The following IFI27 variants were observed in gnomAD, a reference collection of about 807,000 sequenced individuals.
IFI27 encodes interferon alpha inducible protein 27.
A neutral mutation model predicts 8.9 loss-of-function variants in IFI27; 3 were observed. The observed-to-expected ratio is 0.34, with a 90% CI of 0.15 to 0.87. The LOEUF (loss-of-function observed/expected upper bound fraction) is 0.87. IFI27 is among the 40% of genes least tolerant of loss of function. The pLI, the probability that IFI27 is intolerant of heterozygous loss-of-function variation, is 0.51. For synonymous variants in IFI27, 66 were observed against 67.3 expected, an observed-to-expected ratio of 0.98 and a Z score of 0.09; for missense variants, 152 against 157.7, an observed-to-expected ratio of 0.96 and a Z score of 0.19.
intron 2 of IFI27, chr14:94,113,815 C>T (rs1887282294): frequency 6.6e-6 from 1 of 152,372 alleles, no homozygotes; most frequent in Admixed American, 6.5e-5. Context: ...GGTGGCCTTT[C>T]TGGTCACTCA....
At chr14:94,107,249 T>C (rs1887029206), upstream of IFI27, among the ~76,000 whole-genome samples, 1 of 152,108 alleles carries the variant, frequency 6.6e-6, no homozygotes, top group African/African-American at 2.4e-5. Flanking sequence ...TTTTGTAGTT[T>C]TAATAGAGAC....
At position 94,116,029 on chromosome 14, in the gene IFI27, C is replaced by A. The variant is rs1269090622; in HGVS notation, c.283+87C>A. On this transcript the variant is annotated intron_variant, in intron 4 of 4. Coordinates refer to ENST00000621160, the Ensembl canonical transcript of IFI27. This position sits in a 1 kb window ranked among gnomAD's most constrained non-coding sequence, Gnocchi z 4.3. The stretch of plus-strand genomic sequence containing the variant: ...CCAGTCCCAATCTCAACCCTATGAA[C>A]CTCAATCTCCCTGTTCCTCTGTCTC... 2.5e-6 allele frequency: 3 copies of A among 1,214,820 alleles called. No homozygotes were observed. The highest frequency in any genetic ancestry group is 3.5e-6 in the Non-Finnish European group (3 of 848,420). 75.3% of individuals were successfully genotyped at this position (1,214,820 alleles called of 1,614,324 possible).
chr14:94,111,358 C>T lies in IFI27; in HGVS notation c.-58-267C>T, dbSNP rs760993476. Among the ~76,000 whole-genome samples the T allele has an allele frequency of 1.3e-5, 2 of 152,190 alleles. No homozygotes were observed. The highest frequency in any genetic ancestry group is 2.4e-5 in the African/African-American group (1 of 41,432). On this transcript the variant is annotated intron_variant, in intron 1 of 4. Transcript: ENST00000621160. The surrounding 1 kb of genome is among the most constrained non-coding windows in gnomAD (Gnocchi z 4.3). ...AAGGGAGTCCCGGAAGTGTCTAAGA[C>T]ATTGGCGCTGGGACTTTCAGGAGAA...
In IFI27 at chr14:94,116,045, C is replaced by T. The variant is rs760314150; in HGVS notation, c.283+103C>T. 8.7e-6 allele frequency: 10 copies of T among 1,144,278 alleles called. No homozygotes were observed. The highest frequency in any genetic ancestry group is 1.9e-4 in the Middle Eastern group (1 of 5,296). 70.9% of individuals were successfully genotyped at this position (1,144,278 alleles called of 1,614,324 possible). A position where few individuals can be genotyped will look rare whatever the true frequency, so the allele number is the denominator to read the frequency against. ...CCCTATGAACCTCAATCTCCCTGTT[C>T]CTCTGTCTCTCTCTACACATTCTCT... On this transcript the variant is annotated intron_variant, in intron 4 of 4. Transcript: ENST00000621160. The surrounding 1 kb of genome is among the most constrained non-coding windows in gnomAD (Gnocchi z 4.3).
At chr14:94,108,290 A>G (rs1436989400), upstream of IFI27, among the ~76,000 whole-genome samples, 1 of 152,338 alleles carries the variant, frequency 6.6e-6, no homozygotes, top group East Asian at 1.9e-4. Context: ...ATAGTGCCGC[A>G]ATAAACATAC....
At chr14:94,109,362 G>GAGAAGGGCAGGGAAGGGCAGGGAAGGC (rs1887077057), upstream of IFI27, among the ~76,000 whole-genome samples, 1 of 143,880 alleles carries the variant, frequency 7.0e-6, no homozygotes, top group Non-Finnish European at 1.5e-5. Context: ...GCAGGGAAGG[G>GAGAAGGGCAGGGAAGGGCAGGGAAGGC]CAGAGAAGGG....
intron 2 of IFI27, chr14:94,114,089 G>A (rs1033585027): frequency 6.6e-6 from 1 of 152,444 alleles, no homozygotes; most frequent in Non-Finnish European, 1.5e-5. Flanking sequence ...GTTCTGCCTG[G>A]AAGAATCTGG....
intron 2 of IFI27, chr14:94,113,206 A>C (rs1419351160): frequency 6.6e-6 from 1 of 152,276 alleles, no homozygotes; most frequent in Non-Finnish European, 1.5e-5. Context: ...GAACAATGAC[A>C]GAAAGTATTA....
At chr14:94,114,827 A>G in intron 2 of IFI27, 24 bp from the exon 3 acceptor site, 1 of 1,613,614 alleles carries the variant, frequency 6.2e-7, no homozygotes, top group South Asian at 1.1e-5. Flanking sequence ...GGATCTACTC[A>G]CAGAATGTTC....
intron 3 of IFI27, 124 bp downstream of exon 3, chr14:94,115,004 G>A (rs1887336499): frequency 2.3e-6 from 2 of 852,732 alleles, no homozygotes; most frequent in East Asian, 2.5e-5. Context: ...AGGTGGGGAT[G>A]AGGGGCTAAG....
rs528464878 is a variant in IFI27, at chr14:94,116,599, G to A, written c.*72G>A. On this transcript the variant is annotated 3_prime_UTR_variant, in exon 5 of 5. Transcript: ENST00000621160. This position sits in a 1 kb window ranked among gnomAD's most constrained non-coding sequence, Gnocchi z 4.3. ...AGGCACCCAGCCATCCTGACCCAGCGAGGAGCCAACTATCCCAAATATACC... is the reference window on the plus strand; with the variant it reads ...AGGCACCCAGCCATCCTGACCCAGCAAGGAGCCAACTATCCCAAATATACC... The A allele has an allele frequency of 2.0e-5, 24 of 1,178,622 alleles. No individual in the cohort carries two copies. The highest frequency in any genetic ancestry group is 1.4e-4 in the Admixed American group (7 of 51,388). 73.0% of individuals were successfully genotyped at this position (1,178,622 alleles called of 1,614,324 possible). A position where few individuals can be genotyped will look rare whatever the true frequency, so the allele number is the denominator to read the frequency against.
At chr14:94,109,643 C>T (rs1887094052), upstream of IFI27, among the ~76,000 whole-genome samples, 1 of 152,062 alleles carries the variant, frequency 6.6e-6, no homozygotes, top group African/African-American at 2.4e-5. Flanking sequence ...CTTGTGTGGC[C>T]CATGTGATAA....
At chr14:94,112,765 TC>T (rs1300968996) in intron 2 of IFI27, 1 of 152,486 alleles carries the variant, frequency 6.6e-6, no homozygotes, top group African/African-American at 2.4e-5. Context: ...GGAGGCTAGC[TC>T]CTTCATGCTG....
At chr14:94,109,404 G>A (rs74837125), upstream of IFI27, among the ~76,000 whole-genome samples, 59 of 146,242 alleles carry the variant, frequency 4.0e-4, no homozygotes, top group East Asian at 7.4e-3. Flanking sequence ...GCAAGGGCAA[G>A]GGAAAGGAAA....
In IFI27 at chr14:94,111,651, C is replaced by T; in HGVS notation, c.-32C>T. On this transcript the variant is annotated 5_prime_UTR_variant, in exon 2 of 5. Coordinates refer to ENST00000621160, the Ensembl canonical transcript of IFI27. The surrounding 1 kb of genome is among the most constrained non-coding windows in gnomAD (Gnocchi z 4.3). Reference sequence around the variant, plus strand: ...TCTGGCTGAAGTTGAGGATCTCTTACTCTCTAGGCCACGGAATTAACCCGA... The same window carrying T: ...TCTGGCTGAAGTTGAGGATCTCTTATTCTCTAGGCCACGGAATTAACCCGA... 1.3e-6 allele frequency: 2 copies of T among 1,586,590 alleles called. No individual in the cohort carries two copies. Among genetic ancestry groups the T allele is most frequent in the South Asian group, 2.2e-5 (2 of 90,516 alleles).
chr14:94,114,684 A>C (rs1887320431), intron 2 of IFI27, 167 bp from the exon 3 acceptor site: 1 of 665,682 alleles, frequency 1.5e-6, no homozygotes, highest in Non-Finnish European at 2.7e-6. Flanking sequence ...CCTCCTCCAG[A>C]ATTTCCACTT....
chr14:94,113,677 T>G (rs991694185), intron 2 of IFI27: 5 of 152,172 alleles, frequency 3.3e-5, no homozygotes, highest in African/African-American at 7.2e-5. Context: ...CCTGAGGGCT[T>G]TTGTGTGTCA....
chr14:94,114,675 C>A, intron 2 of IFI27, 176 bp from the exon 3 acceptor site: 2 of 647,292 alleles, frequency 3.1e-6, no homozygotes, highest in East Asian at 2.7e-5. Context: ...GATCCTCACC[C>A]TCCTCCAGAA....
At chr14:94,112,996 A>T (rs2139293717) in intron 2 of IFI27, 2 of 152,306 alleles carry the variant, frequency 1.3e-5, no homozygotes, top group Middle Eastern at 6.8e-3. Context: ...AACTTAAGCA[A>T]GCGCTTTTAT....
Sources: allele counts gnomAD v4.1 joint callset (sites outside exome capture counted in the v4.1 genomes callset), GRCh38; gene constraint gnomAD v4.1.1; non-coding constraint Gnocchi (gnomAD v3.1); transcripts MANE v1.5; gene names NCBI Gene and HGNC (gene_info 2026-07-23, HGNC 2026-07-21).